ATP6V1H: variants seen among roughly 807,000 people sequenced by gnomAD.
The protein encoded by ATP6V1H is V-type proton ATPase subunit H.
Under a neutral mutation model 71.7 loss-of-function variants are expected in ATP6V1H, and 39 were observed. The observed-to-expected ratio is 0.54, with a 90% CI of 0.42 to 0.71. ATP6V1H has a LOEUF of 0.71. Ranked by LOEUF, ATP6V1H falls within the 30% of genes least tolerant of loss-of-function variation. The pLI is 0.00. For missense variants in ATP6V1H, 509 were observed against 594.9 expected (o/e 0.86, Z 1.50); for synonymous variants, 192 against 199.3 (o/e 0.96, Z 0.31).
Position 53,788,521 on chromosome 8 carries a change from T to A in ATP6V1H, c.870+7126A>T, listed in dbSNP as rs139740184. 2.2e-3 allele frequency among the ~76,000 whole-genome samples: 338 copies of A among 152,326 alleles called. 2 individuals carry two copies. Among genetic ancestry groups the A allele is most frequent in the African/African-American group, 7.9e-3 (328 of 41,570 alleles). On this transcript the variant is annotated intron_variant, in intron 9 of 13. Transcript: ENST00000359530. ...AGATAAAGAGGAAAACTGTTATTAT[T>A]CCATGATTTTATGGAGAAAAGGGCA...
At chr8:53,788,533 T>C (rs746148035) in intron 9 of ATP6V1H, among the ~76,000 whole-genome samples, 1 of 152,248 alleles carries the variant, frequency 6.6e-6, no homozygotes, top group African/African-American at 2.4e-5. Flanking sequence ...CATGATTTTA[T>C]GGAGAAAAGG....
At chr8:53,796,396 G>C (rs1027294362) in intron 8 of ATP6V1H, among the ~76,000 whole-genome samples, 2 of 151,966 alleles carry the variant, frequency 1.3e-5, no homozygotes, top group African/African-American at 4.8e-5. Flanking sequence ...CTAGGAAAAT[G>C]ACATGGACAT....
intron 7 of ATP6V1H, among the ~76,000 whole-genome samples, chr8:53,809,996 C>T (rs1027244934): frequency 6.6e-6 from 1 of 152,132 alleles, no homozygotes; most frequent in South Asian, 2.1e-4. Context: ...CCAAGAGAAG[C>T]CCAGCTTCAA....
At chr8:53,820,617 T>C (rs1001828678) in intron 4 of ATP6V1H, among the ~76,000 whole-genome samples, 2 of 148,636 alleles carry the variant, frequency 1.3e-5, no homozygotes, top group African/African-American at 2.5e-5. Flanking sequence ...CAGTGAGCTA[T>C]AATGGCGCCA....
chr8:53,782,851 T>A (rs1218948035), intron 9 of ATP6V1H, among the ~76,000 whole-genome samples: 5 of 152,234 alleles, frequency 3.3e-5, no homozygotes, highest in Non-Finnish European at 7.3e-5. Flanking sequence ...CGTTTATTGA[T>A]TTTCGTATGT....
chr8:53,769,341 G>A (rs758519522), intron 11 of ATP6V1H, among the ~76,000 whole-genome samples: 3 of 152,024 alleles, frequency 2.0e-5, no homozygotes, highest in East Asian at 3.8e-4. Context: ...GGGACAAAAT[G>A]GCTGTGATGA....
chr8:53,817,371 C>A, intron 5 of ATP6V1H, 46 bp downstream of exon 5: 1 of 1,373,118 alleles, frequency 7.3e-7, no homozygotes, highest in South Asian at 1.2e-5. Context: ...GACCCTCTCT[C>A]TTTAAAAAAA....
At chr8:53,749,030 C>T (rs1487746995) in intron 12 of ATP6V1H, among the ~76,000 whole-genome samples, 1 of 152,162 alleles carries the variant, frequency 6.6e-6, no homozygotes, top group African/African-American at 2.4e-5. Context: ...AGTATTATGC[C>T]CTACTGTGTG....
At chr8:53,736,245 G>A (rs1196815243) in intron 13 of ATP6V1H, among the ~76,000 whole-genome samples, 2 of 152,134 alleles carry the variant, frequency 1.3e-5, no homozygotes, top group South Asian at 2.1e-4. Flanking sequence ...TGGCCCAGCA[G>A]CATTTCCAAG....
intron 8 of ATP6V1H, among the ~76,000 whole-genome samples, chr8:53,797,163 T>G (rs1167287354): frequency 6.6e-6 from 1 of 152,252 alleles, no homozygotes. Flanking sequence ...GGCTTTGTGA[T>G]GCTGTGGCTG....
chr8:53,799,924 G>C (rs2130429588), intron 8 of ATP6V1H, among the ~76,000 whole-genome samples: 1 of 152,306 alleles, frequency 6.6e-6, no homozygotes, highest in South Asian at 2.1e-4. Flanking sequence ...CTCCAGAAAT[G>C]TGAGAAGTAA....
chr8:53,718,965 C>T (rs780874456), intron 13 of ATP6V1H, among the ~76,000 whole-genome samples: 2 of 152,136 alleles, frequency 1.3e-5, no homozygotes, highest in East Asian at 3.9e-4. Flanking sequence ...AGAGCCCAGA[C>T]AGGATTCATG....
intron 12 of ATP6V1H, among the ~76,000 whole-genome samples, chr8:53,747,881 C>T (rs1030364748): frequency 6.0e-5 from 9 of 150,990 alleles, no homozygotes; most frequent in African/African-American, 2.2e-4. Flanking sequence ...AGAGGCCAGG[C>T]TCTGTGGGAT....
chr8:53,836,672 G>A (rs184235478), intron 2 of ATP6V1H, among the ~76,000 whole-genome samples: 18 of 152,212 alleles, frequency 1.2e-4, no homozygotes, highest in African/African-American at 4.1e-4. Flanking sequence ...ACTACCAGGC[G>A]GCCTTCTCAA....
At chr8:53,741,055 T>A (rs924747593) in intron 13 of ATP6V1H, among the ~76,000 whole-genome samples, 66 of 152,126 alleles carry the variant, frequency 4.3e-4, no homozygotes, top group African/African-American at 1.6e-3. Context: ...AAGTTTGCCA[T>A]ATAATTAGAA....
chr8:53,825,677 GGTGC>G (rs1810804516), intron 4 of ATP6V1H, among the ~76,000 whole-genome samples: 1 of 152,040 alleles, frequency 6.6e-6, no homozygotes, highest in African/African-American at 2.4e-5. Flanking sequence ...TTTAATAAAT[GGTGC>G]TAGAACAACT....
At chr8:53,832,944 G>T in intron 3 of ATP6V1H, 40 bp downstream of exon 3, 1 of 1,356,676 alleles carries the variant, frequency 7.4e-7, no homozygotes, top group Non-Finnish European at 1.0e-6. Context: ...ACTTTTGGAT[G>T]ACACGGGGAA....
At chr8:53,766,981 C>T (rs557948114) in intron 11 of ATP6V1H, among the ~76,000 whole-genome samples, 227 of 152,300 alleles carry the variant, frequency 1.5e-3, no homozygotes, top group African/African-American at 4.8e-3. Flanking sequence ...CCTATTCGCA[C>T]ACTCCCTCCC....
chr8:53,807,004 C>G (rs555524430), intron 7 of ATP6V1H: 4 of 325,200 alleles, frequency 1.2e-5, no homozygotes, highest in African/African-American at 8.6e-5. Flanking sequence ...CTGTGAGTTA[C>G]TCCAGGTCCC....
Sources: gnomAD v4.1 joint callset for allele counts (sites outside exome capture counted in the v4.1 genomes callset) on GRCh38, gnomAD v4.1.1 for gene constraint, MANE v1.5 for transcripts, NCBI Gene and HGNC (gene_info 2026-07-23, HGNC 2026-07-21) for gene names.